The following ICA1 variants were observed in gnomAD, a reference collection of about 807,000 sequenced individuals.
ICA1 encodes the protein 69 kDa islet cell autoantigen.
Under a neutral mutation model 71.0 loss-of-function variants are expected in ICA1, and 40 were observed. The ratio of observed to expected loss-of-function variants is 0.56; its 90% CI spans 0.44 to 0.73. The LOEUF is 0.73. ICA1 is among the 30% of genes least tolerant of loss of function. The pLI, the probability that ICA1 is intolerant of heterozygous loss-of-function variation, is 0.00. For synonymous variants in ICA1, 207 were observed against 209.5 expected, an observed-to-expected ratio of 0.99 and a Z score of 0.10; for missense variants, 578 against 576.5, an observed-to-expected ratio of 1.00 and a Z score of -0.03.
At chr7:8,201,782 C>T (rs2348899) in intron 6 of ICA1, among the ~76,000 whole-genome samples, 3 of 151,886 alleles carry the variant, frequency 2.0e-5, no homozygotes, top group Admixed American at 6.6e-5. Context: ...ACTGGGTTAG[C>T]AGCCAAATGG....
At chr7:8,182,807 GT>G (rs1287958621) in intron 6 of ICA1, among the ~76,000 whole-genome samples, 4 of 152,008 alleles carry the variant, frequency 2.6e-5, no homozygotes, top group African/African-American at 7.2e-5. Flanking sequence ...CAATATATTT[GT>G]TTTTGCTTTT....
intron 9 of ICA1, among the ~76,000 whole-genome samples, 158 bp downstream of exon 9, chr7:8,143,715 TGC>T (rs1346691083): frequency 6.6e-6 from 1 of 152,076 alleles, no homozygotes; most frequent in Admixed American, 6.6e-5. Context: ...AGCAGGAGCA[TGC>T]GTTAAAGGGG....
chr7:8,245,613 T>TA, intron 1 of ICA1, among the ~76,000 whole-genome samples: 1 of 152,258 alleles, frequency 6.6e-6, no homozygotes, highest in East Asian at 1.9e-4. Context: ...ATAGCCATGT[T>TA]AAAAAAATTT....
intron 13 of ICA1, among the ~76,000 whole-genome samples, chr7:8,117,654 G>T (rs886212392): frequency 1.3e-5 from 2 of 152,140 alleles, no homozygotes. Context: ...ATCACTGTTG[G>T]GATCATTGTG....
chr7:8,119,705 G>C (rs2128010605), intron 13 of ICA1, among the ~76,000 whole-genome samples: 1 of 152,272 alleles, frequency 6.6e-6, no homozygotes, highest in Non-Finnish European at 1.5e-5. Context: ...AATTAGCCGG[G>C]TGTGGTGGCG....
intron 8 of ICA1, among the ~76,000 whole-genome samples, chr7:8,155,030 A>C (rs1006493604): frequency 1.3e-5 from 2 of 152,232 alleles, no homozygotes; most frequent in Non-Finnish European, 2.9e-5. Flanking sequence ...ATAATTATCT[A>C]TCAGCTTGAG....
At chr7:8,198,145 A>G (rs1231910790) in intron 6 of ICA1, among the ~76,000 whole-genome samples, 1 of 152,240 alleles carries the variant, frequency 6.6e-6, no homozygotes, top group African/African-American at 2.4e-5. Flanking sequence ...TGTGGTTTGC[A>G]TAAATGTTAC....
At chr7:8,175,579 G>A (rs958320413) in intron 6 of ICA1, among the ~76,000 whole-genome samples, 1 of 152,022 alleles carries the variant, frequency 6.6e-6, no homozygotes, top group Admixed American at 6.6e-5. Flanking sequence ...AATTTCAACT[G>A]ATTTATAAAA....
At chr7:8,140,241 T>C (rs893118213) in intron 10 of ICA1, among the ~76,000 whole-genome samples, 4 of 152,188 alleles carry the variant, frequency 2.6e-5, no homozygotes, top group African/African-American at 9.7e-5. Flanking sequence ...CTGGAGAGCT[T>C]GCATCCATAT....
chr7:8,128,924 G>C (rs562183982), intron 12 of ICA1, among the ~76,000 whole-genome samples: 4 of 152,294 alleles, frequency 2.6e-5, no homozygotes, highest in Non-Finnish European at 4.4e-5. Context: ...TTGAGCCTCT[G>C]TTTGCTCATC....
chr7:8,170,872 G>A (rs1163155658), intron 6 of ICA1, among the ~76,000 whole-genome samples: 2 of 151,864 alleles, frequency 1.3e-5, no homozygotes, highest in African/African-American at 4.8e-5. Flanking sequence ...GTTTATGTGA[G>A]AAAGCATATT....
In ICA1 at chr7:8,157,828, C is replaced by T. The variant is rs184611627; in HGVS notation, c.706-614G>A. 3.9e-3 allele frequency: 585 copies of T among 151,920 alleles called. 3 individuals are homozygous for T. The highest frequency in any genetic ancestry group is 0.01 in the Admixed American group (156 of 15,172). The allele number at this position is 151,920 out of a possible 1,614,324, so 9.4% of individuals were successfully genotyped here. ...TCAGCCTCCCAAGTAGCTGAAACTA[C>T]AGGCGCCCACCACCATGCCCGACTA... is the stretch of plus-strand genomic sequence containing the variant. On this transcript the variant is annotated intron_variant, in intron 7 of 13. Coordinates refer to ENST00000402384, the MANE Select transcript of ICA1 (RefSeq NM_001136020.3).
intron 12 of ICA1, among the ~76,000 whole-genome samples, chr7:8,136,529 C>T (rs559356884): frequency 3.3e-5 from 5 of 152,168 alleles, no homozygotes; most frequent in Non-Finnish European, 7.3e-5. Flanking sequence ...ATTCTACCGA[C>T]CACGTTAATA....
chr7:8,183,886 C>T (rs753882993), intron 6 of ICA1, among the ~76,000 whole-genome samples: 2 of 151,906 alleles, frequency 1.3e-5, no homozygotes, highest in Non-Finnish European at 2.9e-5. Context: ...TTCAAGTTGT[C>T]GGAAAGTTGA....
intron 6 of ICA1, among the ~76,000 whole-genome samples, chr7:8,191,789 CCTT>C (rs1326934730): frequency 6.6e-6 from 1 of 151,866 alleles, no homozygotes; most frequent in African/African-American, 2.4e-5. Context: ...CAGTGCCATT[CCTT>C]CTTTCATATA....
chr7:8,218,942 A>G, intron 5 of ICA1: 1 of 255,558 alleles, frequency 3.9e-6, no homozygotes, highest in Non-Finnish European at 7.7e-6. Context: ...CCAAAGGCCA[A>G]GGCATCTGCT....
intron 13 of ICA1, 97 bp downstream of exon 13, chr7:8,127,776 C>T: frequency 7.6e-7 from 1 of 1,323,798 alleles, no homozygotes. Flanking sequence ...ATAGAGAAAA[C>T]ATTAAAAAAG....
intron 8 of ICA1, among the ~76,000 whole-genome samples, chr7:8,152,594 TACCCCCAGC>T (rs1799317035): frequency 7.8e-6 from 1 of 127,872 alleles, no homozygotes; most frequent in Admixed American, 7.5e-5. Flanking sequence ...TCACCACCAC[TACCCCCAGC>T]ACTACCACCA....
rs1314285999 is a variant in ICA1 at position 8,234,121 on chromosome 7, T to C, written c.18-1366A>G. Among the ~76,000 whole-genome samples the C allele has an allele frequency of 6.6e-6, 1 of 151,984 alleles. No homozygotes were observed. The highest frequency in any genetic ancestry group is 1.5e-5 in the Non-Finnish European group (1 of 68,008). On this transcript the variant is annotated intron_variant, in intron 2 of 13. Coordinates refer to ENST00000402384, the MANE Select transcript of ICA1 (RefSeq NM_001136020.3). This position sits in a 1 kb window ranked among gnomAD's most constrained non-coding sequence, Gnocchi z 4.5. ...CACAAAGCTACTCAGCAGACTGAAGTGGGTGGATTGTTCAAGTCCAGGAGT... is the reference window on the plus strand; with the variant it reads ...CACAAAGCTACTCAGCAGACTGAAGCGGGTGGATTGTTCAAGTCCAGGAGT...
Sources: gnomAD v4.1 joint callset for allele counts (sites outside exome capture counted in the v4.1 genomes callset) on GRCh38, gnomAD v4.1.1 for gene constraint, Gnocchi (gnomAD v3.1) non-coding constraint, MANE v1.5 for transcripts, NCBI Gene and HGNC (gene_info 2026-07-23, HGNC 2026-07-21) for gene names.